TMPRSS11F: variants seen among roughly 807,000 people sequenced by gnomAD.
TMPRSS11F encodes transmembrane protease serine 11F.
In TMPRSS11F, 47 loss-of-function variants were observed where a neutral mutation model predicts 60.2. The observed-to-expected ratio is 0.78, with a 90% CI of 0.62 to 1.00. TMPRSS11F has a LOEUF of 1.00. TMPRSS11F is among the 50% of genes least tolerant of loss of function. The probability of loss-of-function intolerance (pLI) is 0.00; values close to 1 mark genes in which losing one functional copy is unlikely to be tolerated. For missense variants in TMPRSS11F, 519 were observed against 522.9 expected (o/e 0.99, Z 0.07); for synonymous variants, 166 against 167.3 (o/e 0.99, Z 0.06).
At chr4:68,078,469 T>G (rs1010044111) in intron 3 of TMPRSS11F, among the ~76,000 whole-genome samples, 6 of 152,098 alleles carry the variant, frequency 3.9e-5, no homozygotes, top group Admixed American at 3.9e-4. Context: ...TACAATAGTG[T>G]CTCTCTCACT....
intron 3 of TMPRSS11F, among the ~76,000 whole-genome samples, chr4:68,087,814 A>G (rs1396063792): frequency 6.6e-6 from 1 of 151,032 alleles, no homozygotes; most frequent in African/African-American, 2.4e-5. Context: ...GGTGTGCTGC[A>G]CCCACTAACT....
intron 1 of TMPRSS11F, among the ~76,000 whole-genome samples, chr4:68,127,821 T>C (rs1370015786): frequency 6.6e-6 from 1 of 152,092 alleles, no homozygotes; most frequent in Non-Finnish European, 1.5e-5. Flanking sequence ...AAATCTTATT[T>C]TATTACTATT....
At chr4:68,058,838 G>A (rs948175507) in intron 9 of TMPRSS11F, among the ~76,000 whole-genome samples, 12 of 152,296 alleles carry the variant, frequency 7.9e-5, no homozygotes, top group African/African-American at 2.4e-4. Context: ...AGCACTTTTG[G>A]AGTGGAGTAG....
At chr4:68,054,729 TG>T (rs1723005967) in intron 9 of TMPRSS11F, among the ~76,000 whole-genome samples, 1 of 152,206 alleles carries the variant, frequency 6.6e-6, no homozygotes. Context: ...TTTATTTATC[TG>T]TTTCTTTAAT....
At chr4:68,102,386 A>C (rs1353788938) in intron 1 of TMPRSS11F, among the ~76,000 whole-genome samples, 1 of 152,126 alleles carries the variant, frequency 6.6e-6, no homozygotes, top group African/African-American at 2.4e-5. Flanking sequence ...ATTTCTTTAG[A>C]AACCTCCATA....
intron 1 of TMPRSS11F, among the ~76,000 whole-genome samples, chr4:68,121,104 C>A (rs530763154): frequency 6.6e-6 from 1 of 152,196 alleles, no homozygotes; most frequent in Admixed American, 6.5e-5. Flanking sequence ...TTCTATATGA[C>A]CCACCCAGTT....
At chr4:68,083,938 T>A (rs929959140) in intron 3 of TMPRSS11F, among the ~76,000 whole-genome samples, 5 of 152,062 alleles carry the variant, frequency 3.3e-5, no homozygotes, top group African/African-American at 1.2e-4. Context: ...TCCAGTAATA[T>A]GATCCAAGAG....
intron 1 of TMPRSS11F, among the ~76,000 whole-genome samples, chr4:68,101,326 CAAAGG>C (rs1174200461): frequency 1.3e-5 from 2 of 151,886 alleles, no homozygotes; most frequent in Non-Finnish European, 2.9e-5. Flanking sequence ...CAGCCAAGTG[CAAAGG>C]AAGTGAGGTT....
chr4:68,111,790 G>T (rs1489664440), intron 1 of TMPRSS11F, among the ~76,000 whole-genome samples: 1 of 152,086 alleles, frequency 6.6e-6, no homozygotes, highest in African/African-American at 2.4e-5. Flanking sequence ...ATTAGTTAAG[G>T]CTTAGAGAGA....
intron 1 of TMPRSS11F, among the ~76,000 whole-genome samples, chr4:68,112,618 T>C (rs574588263): frequency 2.6e-5 from 4 of 152,274 alleles, no homozygotes; most frequent in African/African-American, 9.6e-5. Flanking sequence ...AATAATCAAA[T>C]GTTATTATTT....
chr4:68,063,080 T>A (rs746742337), intron 8 of TMPRSS11F: 3 of 647,878 alleles, frequency 4.6e-6, no homozygotes, highest in South Asian at 4.1e-5. Flanking sequence ...TACTGTATTC[T>A]GAACCAAGAT....
chr4:68,109,877 C>G (rs1018308466), intron 1 of TMPRSS11F, among the ~76,000 whole-genome samples: 1 of 152,008 alleles, frequency 6.6e-6, no homozygotes, highest in Non-Finnish European at 1.5e-5. Context: ...TTGATGACAT[C>G]AAGATGAAGA....
Position 68,091,055 on chromosome 4 carries a change from T to C in TMPRSS11F, c.164-414A>G, listed in dbSNP as rs531386321. On this transcript the variant is annotated intron_variant, in intron 2 of 9. Transcript: ENST00000356291. ...AAGCTGTCAAATTTTTTTATGCTAC[T>C]GCTAAGCTTACTTAAGTAGAAGTCC... Among the ~76,000 whole-genome samples, 4 of 152,334 alleles carry C rather than the reference T, an allele frequency of 2.6e-5. No individual in the cohort carries two copies. In the East Asian group the frequency reaches 7.7e-4, roughly 29 times the overall value.
chr4:68,123,869 G>T (rs1724666919), intron 1 of TMPRSS11F, among the ~76,000 whole-genome samples: 1 of 152,114 alleles, frequency 6.6e-6, no homozygotes, highest in South Asian at 2.1e-4. Context: ...CTGAAATAAT[G>T]AATTCAGTGT....
rs184818224 is a variant in TMPRSS11F, at chr4:68,071,334, A to C, written c.514+989T>G. 2.6e-3 allele frequency among the ~76,000 whole-genome samples: 394 copies of C among 152,342 alleles called. 2 individuals carry two copies. The highest frequency in any genetic ancestry group is 0.025 in the South Asian group (122 of 4,828). ...AGAACTTTCCTGATTTCTAACAACA[A>C]AAGAATTAACTTTAGATAACTTGTT... On this transcript the variant is annotated intron_variant, in intron 5 of 9. Coordinates refer to ENST00000356291, the MANE Select transcript of TMPRSS11F (RefSeq NM_207407.2).
intron 3 of TMPRSS11F, among the ~76,000 whole-genome samples, chr4:68,078,079 A>T (rs1472737619): frequency 6.6e-6 from 1 of 152,168 alleles, no homozygotes; most frequent in Non-Finnish European, 1.5e-5. Flanking sequence ...CCTCCCAGGA[A>T]GCGGTGGATG....
intron 3 of TMPRSS11F, among the ~76,000 whole-genome samples, chr4:68,085,182 C>T (rs1460393893): frequency 6.8e-6 from 1 of 146,788 alleles, no homozygotes; most frequent in Non-Finnish European, 1.5e-5. Flanking sequence ...GTGAATAATG[C>T]CGCAATAAAC....
intron 8 of TMPRSS11F, among the ~76,000 whole-genome samples, chr4:68,061,187 C>T (rs187080736): frequency 3.9e-5 from 6 of 152,242 alleles, no homozygotes; most frequent in Admixed American, 2.0e-4. Flanking sequence ...AAGTGACTTG[C>T]CATTTACAAA....
chr4:68,056,180 A>C (rs1166190241), intron 9 of TMPRSS11F, among the ~76,000 whole-genome samples: 1 of 152,160 alleles, frequency 6.6e-6, no homozygotes, highest in Non-Finnish European at 1.5e-5. Context: ...TCGCTAGAGA[A>C]ATTAGGCAAG....
Sources: gnomAD v4.1 joint callset for allele counts (sites outside exome capture counted in the v4.1 genomes callset) on GRCh38, gnomAD v4.1.1 for gene constraint, MANE v1.5 for transcripts, NCBI Gene and HGNC (gene_info 2026-07-23, HGNC 2026-07-21) for gene names.